IRGM: variants seen among roughly 807,000 people sequenced by gnomAD.
IRGM encodes immunity-related GTPase family M protein.
For synonymous variants in IRGM, 98 were observed against 80.6 expected (o/e 1.22, Z -1.16); for missense variants, 288 against 219.9 (o/e 1.31, Z -1.96).
chr5:150,866,052 C>T (rs185097509), intron 1 of IRGM, among the ~76,000 whole-genome samples: 1 of 152,342 alleles, frequency 6.6e-6, no homozygotes, highest in Non-Finnish European at 1.5e-5. Flanking sequence ...CCACTGCGCT[C>T]AGCCAAGGAT....
chr5:150,873,775 A>T (rs1441863005), intron 1 of IRGM, among the ~76,000 whole-genome samples: 6 of 152,182 alleles, frequency 3.9e-5, no homozygotes, highest in Non-Finnish European at 8.8e-5. Context: ...GAGGGCTATT[A>T]TGGTGGGAAA....
intron 3 of IRGM, among the ~76,000 whole-genome samples, chr5:150,880,815 C>T (rs1754433592): frequency 6.6e-6 from 1 of 152,098 alleles, no homozygotes; most frequent in Non-Finnish European, 1.5e-5. Flanking sequence ...TCCTTGATTT[C>T]AAACGTCTTC....
downstream of IRGM, among the ~76,000 whole-genome samples, chr5:150,852,435 A>G (rs1753989724): frequency 1.3e-5 from 2 of 152,178 alleles, no homozygotes; most frequent in South Asian, 4.1e-4. Flanking sequence ...GGGGATGGAC[A>G]TTATTTCCAT....
chr5:150,866,973 A>G (rs1382057616), intron 1 of IRGM, among the ~76,000 whole-genome samples: 1 of 152,096 alleles, frequency 6.6e-6, no homozygotes, highest in East Asian at 1.9e-4. Flanking sequence ...CAGTGTACTC[A>G]TTTCAGTCAC....
chr5:150,870,844 ATTG>A (rs777956145), intron 1 of IRGM, among the ~76,000 whole-genome samples: 11 of 151,688 alleles, frequency 7.3e-5, no homozygotes, highest in Non-Finnish European at 1.5e-4. Context: ...TGTTGTTGTT[ATTG>A]TTGTTTGTTT....
chr5:150,868,824 A>C (rs1477276775), intron 1 of IRGM, among the ~76,000 whole-genome samples: 1 of 152,158 alleles, frequency 6.6e-6, no homozygotes, highest in Non-Finnish European at 1.5e-5. Context: ...ATTTGTGTAC[A>C]TTAATTTTAC....
intron 2 of IRGM, chr5:150,878,179 T>TTTG (rs1554128259): frequency 1.3e-5 from 5 of 378,228 alleles, no homozygotes; most frequent in South Asian, 6.1e-5. Flanking sequence ...AACTTTTTTT[T>TTTG]TTGTTGTTGT....
At chr5:150,892,066 T>A (rs1754617637) in intron 3 of IRGM, among the ~76,000 whole-genome samples, 1 of 152,144 alleles carries the variant, frequency 6.6e-6, no homozygotes, top group Non-Finnish European at 1.5e-5. Flanking sequence ...TTAACTCATT[T>A]AAAGATCCAA....
intron 1 of IRGM, among the ~76,000 whole-genome samples, chr5:150,860,740 C>G (rs552387549): frequency 1.3e-5 from 2 of 152,226 alleles, no homozygotes; most frequent in East Asian, 3.9e-4. Context: ...GACCTCCCAA[C>G]TTAGTGCCTC....
intron 3 of IRGM, among the ~76,000 whole-genome samples, chr5:150,886,031 T>C (rs768608615): frequency 4.6e-5 from 7 of 152,054 alleles, no homozygotes; most frequent in Non-Finnish European, 8.8e-5. Context: ...CAGTATGATG[T>C]TGGCTGTTTG....
At chr5:150,869,321 T>C (rs1754248863) in intron 1 of IRGM, among the ~76,000 whole-genome samples, 1 of 152,158 alleles carries the variant, frequency 6.6e-6, no homozygotes, top group Non-Finnish European at 1.5e-5. Flanking sequence ...GTGTCCCTGG[T>C]ATGAAACCCA....
intron 1 of IRGM, among the ~76,000 whole-genome samples, chr5:150,863,617 A>T (rs1754166610): frequency 6.6e-6 from 1 of 152,190 alleles, no homozygotes; most frequent in Non-Finnish European, 1.5e-5. Context: ...CATAATACAT[A>T]AATGCATCAG....
chr5:150,897,987 A>C (rs1754853871), intron 3 of IRGM: 7 of 1,520,516 alleles, frequency 4.6e-6, no homozygotes, highest in Non-Finnish European at 6.2e-6. Flanking sequence ...AAAGAATAGG[A>C]GATTTTGATA....
intron 3 of IRGM, chr5:150,896,214 A>G (rs1243875358): frequency 1.9e-6 from 3 of 1,613,496 alleles, no homozygotes; most frequent in Non-Finnish European, 2.5e-6. Context: ...TCTCTGATGT[A>G]TAATAAGGGA....
At position 150,848,363 on chromosome 5, in the gene IRGM, T is replaced by C; in HGVS notation, c.240T>C (p.Ser80=). The C allele has an allele frequency of 1.9e-6, 3 of 1,551,826 alleles. No homozygotes were observed. The highest frequency in any genetic ancestry group is 2.6e-6 in the Non-Finnish European group (3 of 1,146,964). The change falls in exon 2 of 2, where the codon TCT becomes TCC. Residue 80 remains serine, a synonymous_variant. Coordinates refer to ENST00000522154, the MANE Select transcript of IRGM (RefSeq NM_001145805.2). ...CCCAAAGATGTGCCTCCTATTTCTC[T>C]TCCCACTTTTCAAATGTGGTGTTGT... ...KATQRCASYF[S]SHFSNVVLWD...
chr5:150,868,958 A>C (rs1179285390), intron 1 of IRGM, among the ~76,000 whole-genome samples: 2 of 151,964 alleles, frequency 1.3e-5, no homozygotes, highest in Non-Finnish European at 2.9e-5. Flanking sequence ...CTCTTTACCG[A>C]TTTGGATGCC....
At chr5:150,874,078 G>T (rs1383587344) in intron 1 of IRGM, among the ~76,000 whole-genome samples, 2 of 152,204 alleles carry the variant, frequency 1.3e-5, no homozygotes, top group Admixed American at 1.3e-4. Flanking sequence ...CACATCTCTT[G>T]GTACCTGGTA....
intron 1 of IRGM, among the ~76,000 whole-genome samples, chr5:150,868,057 T>C (rs748573961): frequency 6.6e-6 from 1 of 152,156 alleles, no homozygotes; most frequent in Non-Finnish European, 1.5e-5. Flanking sequence ...CCTAAGCCAA[T>C]GTTTAGAAAG....
chr5:150,857,968 G>A (rs1454782709), intron 1 of IRGM, among the ~76,000 whole-genome samples: 48 of 152,120 alleles, frequency 3.2e-4, no homozygotes, highest in African/African-American at 1.2e-3. Context: ...TGTTGCCATT[G>A]CTTTTGGTGT....
Sources: gnomAD v4.1 joint callset for allele counts (sites outside exome capture counted in the v4.1 genomes callset) on GRCh38, gnomAD v4.1.1 for gene constraint, MANE v1.5 for transcripts, NCBI Gene and HGNC (gene_info 2026-07-23, HGNC 2026-07-21) for gene names.